Variants in CRYBG3 observed in about 807,000 individuals in gnomAD.
The protein encoded by CRYBG3 is crystallin beta-gamma domain containing 3.
A neutral mutation model predicts 244.2 loss-of-function variants in CRYBG3; 127 were observed. That is an observed-to-expected ratio of 0.52 (90% CI 0.45 to 0.60). The LOEUF (loss-of-function observed/expected upper bound fraction) is 0.60. CRYBG3 is among the 20% of genes least tolerant of loss of function. The pLI is 0.00. For missense variants in CRYBG3, 3,325 were observed against 3,442.5 expected (o/e 0.97, Z 0.85); for synonymous variants, 1,132 against 1,195.8 (o/e 0.95, Z 1.10).
chr3:97,838,199 C>G (rs1366488929), intron 1 of CRYBG3, among the ~76,000 whole-genome samples: 1 of 152,144 alleles, frequency 6.6e-6, no homozygotes, highest in African/African-American at 2.4e-5. Flanking sequence ...GGCAACACCT[C>G]TTTTCTGGAT....
chr3:97,895,592 T>G (rs2039630637), intron 11 of CRYBG3, among the ~76,000 whole-genome samples: 2 of 152,244 alleles, frequency 1.3e-5, no homozygotes, highest in Admixed American at 1.3e-4. Flanking sequence ...AATGACTATC[T>G]TTGGATCTCT....
chr3:97,850,001 A>C (rs942139487), intron 2 of CRYBG3, among the ~76,000 whole-genome samples: 4 of 152,126 alleles, frequency 2.6e-5, no homozygotes, highest in African/African-American at 9.7e-5. Flanking sequence ...TTAGCCCAGC[A>C]TATATCGTGA....
intron 1 of CRYBG3, among the ~76,000 whole-genome samples, chr3:97,836,734 G>A (rs367867405): frequency 1.3e-5 from 2 of 152,108 alleles, no homozygotes; most frequent in African/African-American, 2.4e-5. Flanking sequence ...GGGCTGAGAG[G>A]TGGAATCTGA....
intron 2 of CRYBG3, among the ~76,000 whole-genome samples, chr3:97,845,998 A>C (rs1024770877): frequency 6.6e-6 from 1 of 152,098 alleles, no homozygotes; most frequent in Non-Finnish European, 1.5e-5. Context: ...TCCCTCTGAC[A>C]TGGGAAGCCT....
At chr3:97,839,626 C>T (rs951796571) in intron 1 of CRYBG3, among the ~76,000 whole-genome samples, 1 of 151,778 alleles carries the variant, frequency 6.6e-6, no homozygotes, top group Non-Finnish European at 1.5e-5. Context: ...GGTAAGCAGG[C>T]GCAAATGGAA....
At chr3:97,856,249 GAGTTTA>G (rs1319383118) in intron 2 of CRYBG3, among the ~76,000 whole-genome samples, 5 of 152,208 alleles carry the variant, frequency 3.3e-5, no homozygotes, top group African/African-American at 4.8e-5. Context: ...CCAGCGGTCA[GAGTTTA>G]AGTTTATCTC....
In CRYBG3 at chr3:97,944,124, T is replaced by G. The variant is rs2040296486; in HGVS notation, c.*810T>G. 6.6e-6 allele frequency: 1 copy of G among 151,570 alleles called. No individual in the cohort carries two copies. The highest frequency in any genetic ancestry group is 2.4e-5 in the African/African-American group (1 of 41,284). The allele number at this position is 151,570 out of a possible 1,614,324, so 9.4% of individuals were successfully genotyped here. A position where few individuals can be genotyped will look rare whatever the true frequency, so the allele number is the denominator to read the frequency against. ...AGAGGCATCAATTTTTTTTTTTTTTTGCCTCAAGAGAAATTTCAAATATCC... is the reference window on the plus strand; with the variant it reads ...AGAGGCATCAATTTTTTTTTTTTTTGGCCTCAAGAGAAATTTCAAATATCC... On this transcript the variant is annotated 3_prime_UTR_variant, in exon 22 of 22. Coordinates refer to ENST00000389622, the MANE Select transcript of CRYBG3 (RefSeq NM_153605.4).
chr3:97,825,652 T>G (rs936792182), intron 1 of CRYBG3, among the ~76,000 whole-genome samples: 1 of 152,220 alleles, frequency 6.6e-6, no homozygotes, highest in Non-Finnish European at 1.5e-5. Context: ...TAATTGCCAG[T>G]AGCATCCTCT....
chr3:97,933,541 C>A, intron 17 of CRYBG3, 153 bp from the exon 18 acceptor site: 1 of 788,278 alleles, frequency 1.3e-6, no homozygotes, highest in Non-Finnish European at 2.2e-6. Flanking sequence ...TCTAATCTTT[C>A]CAGTGCAGTT....
At chr3:97,899,893 A>G (rs1575949885) in intron 14 of CRYBG3, among the ~76,000 whole-genome samples, 1 of 152,088 alleles carries the variant, frequency 6.6e-6, no homozygotes. Flanking sequence ...AGAAATTCAC[A>G]CTCCTTCTTT....
chr3:97,935,340 C>T (rs2040151426), intron 18 of CRYBG3, among the ~76,000 whole-genome samples: 1 of 152,052 alleles, frequency 6.6e-6, no homozygotes, highest in Admixed American at 6.6e-5. Context: ...GCAGCTAAGC[C>T]TGTCCGTGGT....
At chr3:97,927,433 A>C (rs1433996820) in intron 17 of CRYBG3, among the ~76,000 whole-genome samples, 1 of 152,094 alleles carries the variant, frequency 6.6e-6, no homozygotes, top group Non-Finnish European at 1.5e-5. Flanking sequence ...TGGATTAAAG[A>C]CTAAAATATA....
intron 7 of CRYBG3, among the ~76,000 whole-genome samples, chr3:97,884,192 A>G (rs10935131): frequency 0.13 from 19,474 of 152,212 alleles, 1,537 homozygotes; most frequent in Non-Finnish European, 0.19. Context: ...GAATAACCTC[A>G]GTAATCAGTA....
intron 17 of CRYBG3, among the ~76,000 whole-genome samples, chr3:97,926,752 C>T (rs944761642): frequency 2.0e-5 from 3 of 151,998 alleles, no homozygotes; most frequent in African/African-American, 4.8e-5. Context: ...GTAGAAAAAT[C>T]AGTAGCATTT....
At chr3:97,922,569 C>A (rs1425302575) in intron 17 of CRYBG3, among the ~76,000 whole-genome samples, 4 of 152,046 alleles carry the variant, frequency 2.6e-5, no homozygotes, top group African/African-American at 9.7e-5. Context: ...TTTATGCAGC[C>A]AATAGACAAA....
chr3:97,843,234 A>G lies in CRYBG3; in HGVS notation c.189A>G (p.Glu63=). The G allele has an allele frequency of 6.6e-7, 1 of 1,516,014 alleles. No homozygotes were observed. The highest frequency in any genetic ancestry group is 1.2e-5 in the South Asian group (1 of 81,588). The allele number at this position is 1,516,014 out of a possible 1,614,324, so 93.9% of individuals were successfully genotyped here. A position where few individuals can be genotyped will look rare whatever the true frequency, so the allele number is the denominator to read the frequency against. Residue 63 remains glutamate, a synonymous_variant, in exon 2 of 22, where the codon GAA becomes GAG. Transcript: ENST00000389622. ...NEPMSTSQKK[E]NVLSSEAVKI... is the part of the protein sequence containing the mutation. ...CCATGAGCACAAGTCAGAAAAAGGA[A>G]AATGTACTTTCATCAGAAGCAGTAA... is the stretch of plus-strand genomic sequence containing the variant.
intron 15 of CRYBG3, among the ~76,000 whole-genome samples, chr3:97,904,640 C>G (rs1290009882): frequency 6.6e-6 from 1 of 150,986 alleles, no homozygotes; most frequent in Non-Finnish European, 1.5e-5. Flanking sequence ...CAACCTGTCT[C>G]TCTTCTCATG....
chr3:97,835,689 G>T (rs566079441), intron 1 of CRYBG3, among the ~76,000 whole-genome samples: 1 of 152,102 alleles, frequency 6.6e-6, no homozygotes, highest in Non-Finnish European at 1.5e-5. Context: ...GTGTCTGGAA[G>T]AATTTACAGA....
intron 1 of CRYBG3, among the ~76,000 whole-genome samples, chr3:97,826,373 ACTT>A (rs1243557204): frequency 6.6e-6 from 1 of 152,226 alleles, no homozygotes; most frequent in African/African-American, 2.4e-5. Context: ...TATAATCAGA[ACTT>A]CTAACTTTAT....
Sources: gnomAD v4.1 joint callset for allele counts (sites outside exome capture counted in the v4.1 genomes callset) on GRCh38, gnomAD v4.1.1 for gene constraint, MANE v1.5 for transcripts, NCBI Gene and HGNC (gene_info 2026-07-23, HGNC 2026-07-21) for gene names.